CTIF: variants seen among roughly 807,000 people sequenced by gnomAD.
CTIF encodes cap binding complex dependent translation initiation factor.
CTIF carries 21 observed loss-of-function variants against 66.0 expected under a neutral mutation model. The ratio of observed to expected loss-of-function variants is 0.32; its 90% CI spans 0.23 to 0.46. The LOEUF (loss-of-function observed/expected upper bound fraction) is 0.46. Among genes scored for constraint, CTIF ranks in the 20% least tolerant of loss-of-function variants. CTIF has a pLI of 1.00. For synonymous variants in CTIF, 345 were observed against 326.4 expected, an observed-to-expected ratio of 1.06 and a Z score of -0.62; for missense variants, 739 against 812.7, an observed-to-expected ratio of 0.91 and a Z score of 1.10.
chr18:48,706,543 C>T (rs1004231026), intron 6 of CTIF, among the ~76,000 whole-genome samples: 13 of 152,136 alleles, frequency 8.5e-5, no homozygotes, highest in African/African-American at 2.9e-4. Flanking sequence ...GGCAAGGCCT[C>T]GCACTCTCTG....
At chr18:48,606,252 C>T (rs751423208) in intron 1 of CTIF, among the ~76,000 whole-genome samples, 25 of 152,216 alleles carry the variant, frequency 1.6e-4, no homozygotes, top group Non-Finnish European at 2.4e-4. Context: ...AACCTGGGGG[C>T]AACGTTCAGT....
intron 11 of CTIF, among the ~76,000 whole-genome samples, chr18:48,858,544 C>CG (rs2069382199): frequency 2.0e-5 from 3 of 152,158 alleles, no homozygotes; most frequent in Non-Finnish European, 2.9e-5. Flanking sequence ...AGGAAGGGCT[C>CG]AGGGGTTCAA....
At chr18:48,700,796 TC>T (rs1349532113) in intron 6 of CTIF, among the ~76,000 whole-genome samples, 2 of 152,208 alleles carry the variant, frequency 1.3e-5, no homozygotes, top group African/African-American at 4.8e-5. Context: ...GTGTCCCTCT[TC>T]CCCAGGGCCC....
intron 3 of CTIF, among the ~76,000 whole-genome samples, chr18:48,659,475 A>G (rs1294481335): frequency 6.6e-6 from 1 of 152,162 alleles, no homozygotes; most frequent in African/African-American, 2.4e-5. Flanking sequence ...GGTGCTGTCC[A>G]TATGATATTC....
At chr18:48,599,940 A>G (rs2090060735) in intron 1 of CTIF, among the ~76,000 whole-genome samples, 1 of 152,136 alleles carries the variant, frequency 6.6e-6, no homozygotes, top group Admixed American at 6.5e-5. Flanking sequence ...CAGTGACCTC[A>G]AAGCTTTCCT....
At position 48,619,644 on chromosome 18, in the gene CTIF, T is replaced by A; in HGVS notation, c.79T>A (p.Phe27Ile). 1 of 1,606,634 alleles carries A rather than the reference T, an allele frequency of 6.2e-7. No individual in the cohort carries two copies. Among genetic ancestry groups the A allele is most frequent in the South Asian group, 1.1e-5 (1 of 89,096 alleles). ...RSQEIEELER[F>I]IDSYVLEYQV... The stretch of plus-strand genomic sequence containing the variant: ...CCAGGAGATCGAGGAGCTGGAGCGC[T>A]TCATCGACAGCTACGTGCTGGAGTA... Residue 27 changes from phenylalanine to isoleucine, a missense_variant, in exon 2 of 12, where the codon TTC becomes ATC. This residue lies in a region of CTIF where 529 missense variants were observed against 520.3 expected (regional missense o/e 1.02). Transcript: ENST00000256413.
At chr18:48,542,015 G>C (rs1004169997) in intron 1 of CTIF, among the ~76,000 whole-genome samples, 2 of 152,118 alleles carry the variant, frequency 1.3e-5, no homozygotes, top group African/African-American at 4.8e-5. Flanking sequence ...TTAATTAATA[G>C]TGGCCACTTT....
chr18:48,790,178 A>G (rs2067761675), intron 9 of CTIF, among the ~76,000 whole-genome samples: 1 of 152,214 alleles, frequency 6.6e-6, no homozygotes. Context: ...TAGAAGCTGA[A>G]CCACCTTTCC....
chr18:48,715,808 AG>A (rs2092276113), intron 7 of CTIF, among the ~76,000 whole-genome samples: 1 of 152,200 alleles, frequency 6.6e-6, no homozygotes, highest in Non-Finnish European at 1.5e-5. Flanking sequence ...AGATCAAAAG[AG>A]GAAGTGGTAT....
intron 10 of CTIF, among the ~76,000 whole-genome samples, chr18:48,855,015 C>CGGAGCTGCATTTCCACCGCCCT (rs1293820832): frequency 6.6e-6 from 1 of 152,152 alleles, no homozygotes; most frequent in Non-Finnish European, 1.5e-5. Context: ...TCCACCGCCC[C>CGGAGCTGCATTTCCACCGCCCT]GGAGCTGCAT....
At chr18:48,639,785 C>T (rs1436736794) in intron 3 of CTIF, among the ~76,000 whole-genome samples, 1 of 152,138 alleles carries the variant, frequency 6.6e-6, no homozygotes, top group African/African-American at 2.4e-5. Flanking sequence ...ACTGCTCTAC[C>T]CTCTCTAGAG....
At chr18:48,692,068 G>C (rs893716520) in intron 6 of CTIF, among the ~76,000 whole-genome samples, 3 of 152,160 alleles carry the variant, frequency 2.0e-5, no homozygotes, top group Non-Finnish European at 2.9e-5. Flanking sequence ...TTTTAGTAGA[G>C]ATGGGGTTTT....
chr18:48,779,306 G>T (rs1910990109), intron 9 of CTIF, among the ~76,000 whole-genome samples: 2 of 152,152 alleles, frequency 1.3e-5, no homozygotes, highest in African/African-American at 4.8e-5. Flanking sequence ...TGTGGGTGGG[G>T]GTTAACAGCC....
intron 1 of CTIF, among the ~76,000 whole-genome samples, chr18:48,612,292 A>T (rs1276224576): frequency 6.6e-6 from 1 of 152,108 alleles, no homozygotes; most frequent in Non-Finnish European, 1.5e-5. Context: ...TTCCTCGGGG[A>T]GAGCCTGGGC....
chr18:48,697,930 C>T (rs2092029877), intron 6 of CTIF, among the ~76,000 whole-genome samples: 1 of 151,202 alleles, frequency 6.6e-6, no homozygotes, highest in African/African-American at 2.4e-5. Flanking sequence ...CACCCCAGCC[C>T]TGCAGTCCTG....
intron 1 of CTIF, among the ~76,000 whole-genome samples, chr18:48,545,050 C>CG (rs1415731295): frequency 6.6e-6 from 1 of 152,172 alleles, no homozygotes; most frequent in Non-Finnish European, 1.5e-5. Flanking sequence ...CTAAAGGAGA[C>CG]GGCTCAGGAG....
intron 7 of CTIF, among the ~76,000 whole-genome samples, chr18:48,753,700 G>A (rs900696797): frequency 1.3e-5 from 2 of 152,126 alleles, no homozygotes; most frequent in African/African-American, 2.4e-5. Flanking sequence ...ACCCGAAGAA[G>A]ACTTCCCCAG....
intron 6 of CTIF, among the ~76,000 whole-genome samples, chr18:48,671,218 C>G (rs138723454): frequency 2.5e-3 from 373 of 152,236 alleles, no homozygotes; most frequent in African/African-American, 8.8e-3. Flanking sequence ...TTGATTGGGC[C>G]TCTTTCCTGG....
chr18:48,855,234 C>A (rs1482859427), intron 10 of CTIF, among the ~76,000 whole-genome samples: 1 of 152,212 alleles, frequency 6.6e-6, no homozygotes, highest in Non-Finnish European at 1.5e-5. Context: ...ATCAGAGAGA[C>A]CCAGTCTGTA....
Sources: allele counts gnomAD v4.1 joint callset (sites outside exome capture counted in the v4.1 genomes callset), GRCh38; gene constraint gnomAD v4.1.1; regional missense constraint gnomAD v4.1.1; transcripts MANE v1.5; gene names NCBI Gene and HGNC (gene_info 2026-07-23, HGNC 2026-07-21).